The following GALNT18 variants were observed in gnomAD, a reference collection of about 807,000 sequenced individuals.
The protein encoded by GALNT18 is GalNAc-transferase 18.
A neutral mutation model predicts 69.5 loss-of-function variants in GALNT18; 44 were observed. The observed-to-expected ratio is 0.63, with a 90% CI of 0.50 to 0.81. GALNT18 has a LOEUF of 0.81. Among genes scored for constraint, GALNT18 ranks in the 40% least tolerant of loss-of-function variants. The pLI is 0.00. For missense variants in GALNT18, 715 were observed against 810.0 expected, an observed-to-expected ratio of 0.88 and a Z score of 1.42; for synonymous variants, 364 against 318.2, an observed-to-expected ratio of 1.14 and a Z score of -1.53.
chr11:11,498,947 A>G (rs1459364246), intron 1 of GALNT18, among the ~76,000 whole-genome samples: 1 of 152,238 alleles, frequency 6.6e-6, no homozygotes, highest in African/African-American at 2.4e-5. Context: ...ACACTTTCCT[A>G]TGTCTTTCAA....
At chr11:11,282,295 CTG>C (rs1264967909) in intron 10 of GALNT18, among the ~76,000 whole-genome samples, 3 of 152,290 alleles carry the variant, frequency 2.0e-5, no homozygotes, top group Admixed American at 2.0e-4. Context: ...GTTTTACCAA[CTG>C]TACTTCTGCC....
intron 1 of GALNT18, among the ~76,000 whole-genome samples, chr11:11,539,622 C>T (rs1164717181): frequency 6.6e-6 from 1 of 152,152 alleles, no homozygotes; most frequent in African/African-American, 2.4e-5. Flanking sequence ...TTGCTGGGAA[C>T]ACAGAGGGAA....
intron 1 of GALNT18, among the ~76,000 whole-genome samples, chr11:11,516,090 C>T (rs772083598): frequency 1.3e-5 from 2 of 152,148 alleles, no homozygotes; most frequent in African/African-American, 4.8e-5. Context: ...TGAGATGGGC[C>T]GTCACCACAG....
chr11:11,274,125 T>A (rs1414207348), intron 10 of GALNT18, among the ~76,000 whole-genome samples: 2 of 151,860 alleles, frequency 1.3e-5, no homozygotes, highest in Non-Finnish European at 2.9e-5. Flanking sequence ...TGTGAGAGAG[T>A]GTACCGGGAG....
intron 1 of GALNT18, among the ~76,000 whole-genome samples, chr11:11,521,826 C>T (rs1043934042): frequency 6.6e-6 from 1 of 152,208 alleles, no homozygotes; most frequent in South Asian, 2.1e-4. Context: ...CCAACACGCA[C>T]TTCACCATAG....
At position 11,607,822 on chromosome 11, in the gene GALNT18, C is replaced by T. The variant is rs151130167; in HGVS notation, c.235+13537G>A. Among the ~76,000 whole-genome samples the T allele has an allele frequency of 1.5e-4, 23 of 152,330 alleles. No homozygotes were observed. The East Asian group carries it at 3.5e-3, about 23-fold the overall frequency. ...GGAGCTAGGAAATGAGACTAACCCA[C>T]CAGGTAACCAGACACCCTGCATGAC... On this transcript the variant is annotated intron_variant, in intron 1 of 10. Transcript: ENST00000227756.
In GALNT18 at chr11:11,586,942, C is replaced by T. The variant is rs565173104; in HGVS notation, c.235+34417G>A. ...GGCGGAGGGTGCAGTGAGCCGAGAT[C>T]GTGTCAAAGCACTCCAGCCTGGGGA... is the stretch of plus-strand genomic sequence containing the variant. On this transcript the variant is annotated intron_variant, in intron 1 of 10. Coordinates refer to ENST00000227756, the MANE Select transcript of GALNT18 (RefSeq NM_198516.3). The surrounding 1 kb of genome is among the most constrained non-coding windows in gnomAD (Gnocchi z 4.1). 1.5e-4 allele frequency among the ~76,000 whole-genome samples: 23 copies of T among 152,040 alleles called. No individual in the cohort carries two copies. Among genetic ancestry groups the T allele is most frequent in the Non-Finnish European group, 2.4e-4 (16 of 68,024 alleles).
chr11:11,571,113 C>G (rs561023322), intron 1 of GALNT18, among the ~76,000 whole-genome samples: 5 of 152,206 alleles, frequency 3.3e-5, no homozygotes, highest in Non-Finnish European at 7.3e-5. Flanking sequence ...CTCACAGCAA[C>G]CTAATGAGGT....
At chr11:11,380,574 C>T (rs1210134903) in intron 3 of GALNT18, among the ~76,000 whole-genome samples, 1 of 152,212 alleles carries the variant, frequency 6.6e-6, no homozygotes, top group Non-Finnish European at 1.5e-5. Flanking sequence ...ACTTTGATTG[C>T]TTTTGTCTCA....
chr11:11,391,444 T>C (rs1320440843), intron 3 of GALNT18, among the ~76,000 whole-genome samples: 1 of 152,220 alleles, frequency 6.6e-6, no homozygotes, highest in East Asian at 1.9e-4. Flanking sequence ...AATTCCATGC[T>C]CTTAATACAT....
intron 1 of GALNT18, among the ~76,000 whole-genome samples, chr11:11,581,819 G>T (rs1310611026): frequency 6.6e-6 from 1 of 151,998 alleles, no homozygotes; most frequent in Non-Finnish European, 1.5e-5. Flanking sequence ...TAAAAGGGTG[G>T]TCACTCTCCA....
At chr11:11,305,844 T>C (rs184259215) in intron 9 of GALNT18, among the ~76,000 whole-genome samples, 1 of 152,230 alleles carries the variant, frequency 6.6e-6, no homozygotes, top group Non-Finnish European at 1.5e-5. Flanking sequence ...TTACATGATA[T>C]ACACTCAAAA....
At chr11:11,457,805 A>G (rs1855956710) in intron 1 of GALNT18, among the ~76,000 whole-genome samples, 1 of 152,134 alleles carries the variant, frequency 6.6e-6, no homozygotes, top group Admixed American at 6.5e-5. Context: ...GATCACTGAG[A>G]AGGCTTTGAG....
intron 1 of GALNT18, among the ~76,000 whole-genome samples, chr11:11,450,920 G>T (rs1266840585): frequency 1.3e-5 from 2 of 152,088 alleles, no homozygotes; most frequent in African/African-American, 4.8e-5. Flanking sequence ...CCAGGCAGTG[G>T]TCCTCCCACT....
Position 11,398,517 on chromosome 11 carries a change from G to A in GALNT18, c.596-19253C>T, listed in dbSNP as rs988022784. 1.8e-4 allele frequency among the ~76,000 whole-genome samples: 27 copies of A among 152,194 alleles called. 2 individuals are homozygous for A. The highest frequency in any genetic ancestry group is 2.0e-4 in the Admixed American group (3 of 15,280). On this transcript the variant is annotated intron_variant, in intron 3 of 10. Transcript: ENST00000227756. ...TCAGAGGCTTTATGGTAAGTCACCA[G>A]CTCATAAGTGGCAGAACCAGGATAT...
intron 1 of GALNT18, among the ~76,000 whole-genome samples, chr11:11,506,660 T>G (rs1452488134): frequency 1.3e-5 from 2 of 152,172 alleles, no homozygotes; most frequent in Non-Finnish European, 2.9e-5. Context: ...TTAAAAGGAC[T>G]ATGAGAAAGA....
In GALNT18 at chr11:11,359,092, C is replaced by T. The variant is rs985905083; in HGVS notation, c.1092+13423G>A. 2.9e-5 allele frequency among the ~76,000 whole-genome samples: 4 copies of T among 140,338 alleles called. 1 individual carries two copies. Among genetic ancestry groups the T allele is most frequent in the Non-Finnish European group, 6.4e-5 (4 of 62,770 alleles). 92.1% of individuals were successfully genotyped at this position (140,338 alleles called of 152,430 possible). ...GAGGAAAAATGCTGGTCCCCAGACC[C>T]CCTTCTCCTCACATCTCTCTAACTG... On this transcript the variant is annotated intron_variant, in intron 6 of 10. Transcript: ENST00000227756.
intron 10 of GALNT18, among the ~76,000 whole-genome samples, chr11:11,272,022 ATC>A (rs55695809): frequency 0.054 from 8,240 of 152,232 alleles, 294 homozygotes; most frequent in Middle Eastern, 0.17. Context: ...CTGTCTGAGC[ATC>A]TCTGAGTTAC....
rs935707785 is a variant in GALNT18 at position 11,444,164 on chromosome 11, C to T, written c.428+4580G>A. Among the ~76,000 whole-genome samples, 48 of 150,920 alleles carry T rather than the reference C, an allele frequency of 3.2e-4. No homozygotes were observed. Among genetic ancestry groups the T allele is most frequent in the Non-Finnish European group, 5.3e-4 (36 of 67,708 alleles). ...CTTGCAGATGCCACCCTCCAGGCCC[C>T]GCCTCCCTGCCACAGAGAGGTGCCT... On this transcript the variant is annotated intron_variant, in intron 2 of 10. Transcript: ENST00000227756. The surrounding 1 kb of genome is among the most constrained non-coding windows in gnomAD (Gnocchi z 4.4).
Sources: gnomAD v4.1 joint callset for allele counts (sites outside exome capture counted in the v4.1 genomes callset) on GRCh38, gnomAD v4.1.1 for gene constraint, Gnocchi (gnomAD v3.1) non-coding constraint, MANE v1.5 for transcripts, NCBI Gene and HGNC (gene_info 2026-07-23, HGNC 2026-07-21) for gene names.